Variants in TMOD2 observed in about 807,000 individuals in gnomAD.
TMOD2 encodes the protein tropomodulin 2.
A neutral mutation model predicts 39.9 loss-of-function variants in TMOD2; 22 were observed. The ratio of observed to expected loss-of-function variants is 0.55; its 90% CI spans 0.39 to 0.79. The LOEUF is 0.79. Among genes scored for constraint, TMOD2 ranks in the 30% least tolerant of loss-of-function variants. The probability of loss-of-function intolerance (pLI) is 0.00; values close to 1 mark genes in which losing one functional copy is unlikely to be tolerated. For synonymous variants in TMOD2, 123 were observed against 146.1 expected (o/e 0.84, Z 1.14); for missense variants, 386 against 413.3 (o/e 0.93, Z 0.57).
intron 7 of TMOD2, among the ~76,000 whole-genome samples, chr15:51,795,719 A>G (rs1452797653): frequency 3.4e-5 from 5 of 149,094 alleles, no homozygotes; most frequent in African/African-American, 7.4e-5. Flanking sequence ...CATAATTTCT[A>G]TCTTCATCTT....
intron 3 of TMOD2, 126 bp downstream of exon 3, chr15:51,768,544 G>A (rs1385355949): frequency 2.0e-6 from 2 of 991,206 alleles, no homozygotes; most frequent in Non-Finnish European, 2.9e-6. Context: ...CAAGGGAACT[G>A]TCCCAGACAT....
At chr15:51,752,865 C>T (rs2055716308) in intron 1 of TMOD2, 2 of 152,166 alleles carry the variant, frequency 1.3e-5, no homozygotes, top group African/African-American at 2.4e-5. Flanking sequence ...CAGTCTAACC[C>T]AATAAATACG....
chr15:51,796,008 A>C (rs941091214), intron 7 of TMOD2, among the ~76,000 whole-genome samples: 4 of 142,438 alleles, frequency 2.8e-5, no homozygotes, highest in Non-Finnish European at 4.5e-5. Flanking sequence ...TGTTTCTTCT[A>C]TGGCATATTG....
intron 1 of TMOD2, among the ~76,000 whole-genome samples, chr15:51,764,209 C>G (rs1157883046): frequency 2.0e-5 from 3 of 152,070 alleles, no homozygotes; most frequent in Non-Finnish European, 4.4e-5. Flanking sequence ...CCCAGCTACT[C>G]CAGAGGTTGA....
chr15:51,785,999 ATAGTC>A (rs2055967372), intron 7 of TMOD2, among the ~76,000 whole-genome samples: 1 of 152,186 alleles, frequency 6.6e-6, no homozygotes, highest in Admixed American at 6.5e-5. Flanking sequence ...TAGTCATAGT[ATAGTC>A]TATAAAAAAT....
chr15:51,773,886 A>G, intron 4 of TMOD2, 52 bp downstream of exon 4: 1 of 1,555,542 alleles, frequency 6.4e-7, no homozygotes, highest in Non-Finnish European at 8.6e-7. Context: ...ACCTCCGAGC[A>G]TGCACTGGCA....
intron 2 of TMOD2, 105 bp from the exon 3 acceptor site, chr15:51,768,157 A>C: frequency 7.5e-7 from 1 of 1,333,114 alleles, no homozygotes; most frequent in Non-Finnish European, 1.1e-6. Context: ...CTGCGTAGGT[A>C]TCCTTCCTGC....
chr15:51,791,359 CACAA>C (rs1447211557), intron 7 of TMOD2, among the ~76,000 whole-genome samples: 1 of 152,002 alleles, frequency 6.6e-6, no homozygotes, highest in East Asian at 1.9e-4. Flanking sequence ...AGAGAGAGTA[CACAA>C]ACAAATGAAA....
intron 1 of TMOD2, among the ~76,000 whole-genome samples, chr15:51,760,196 T>A (rs1344588092): frequency 6.6e-6 from 1 of 152,214 alleles, no homozygotes; most frequent in African/African-American, 2.4e-5. Flanking sequence ...TTAGCATAAA[T>A]CCAGTGGCTT....
intron 1 of TMOD2, among the ~76,000 whole-genome samples, chr15:51,757,931 G>A (rs1328986025): frequency 6.6e-6 from 1 of 152,156 alleles, no homozygotes; most frequent in Non-Finnish European, 1.5e-5. Flanking sequence ...TGAGTATAGT[G>A]GGACATACCT....
chr15:51,780,071 T>G (rs964443320), intron 5 of TMOD2, among the ~76,000 whole-genome samples: 6 of 152,216 alleles, frequency 3.9e-5, no homozygotes, highest in African/African-American at 1.4e-4. Flanking sequence ...GTGGACATTT[T>G]GTTTATCATG....
At chr15:51,764,758 T>C (rs574860573) in intron 1 of TMOD2, among the ~76,000 whole-genome samples, 1 of 152,272 alleles carries the variant, frequency 6.6e-6, no homozygotes, top group South Asian at 2.1e-4. Flanking sequence ...CTGTACCCCT[T>C]TGTGCTGTTC....
intron 5 of TMOD2, among the ~76,000 whole-genome samples, chr15:51,779,274 G>A (rs982002413): frequency 6.6e-6 from 1 of 152,166 alleles, no homozygotes; most frequent in Admixed American, 6.5e-5. Context: ...ACAATCTGGT[G>A]CATAACCTTC....
intron 5 of TMOD2, among the ~76,000 whole-genome samples, chr15:51,779,196 G>A (rs1210480522): frequency 1.3e-5 from 2 of 152,052 alleles, no homozygotes; most frequent in Non-Finnish European, 2.9e-5. Flanking sequence ...TTATGCATAT[G>A]GATAAAAAAT....
At position 51,766,428 on chromosome 15, in the gene TMOD2, G is replaced by T. The variant is rs373643929; in HGVS notation, c.-14G>T. 114 of 1,613,346 alleles carry T rather than the reference G, an allele frequency of 7.1e-5. No individual in the cohort carries two copies. In the African/African-American group the frequency reaches 1.4e-3, roughly 20 times the overall value. ...TAAATGTGCATGGCCCATGAGAAAG[G>T]CTTATAAGAAGCCATGGCACTCCCC... is the stretch of plus-strand genomic sequence containing the variant. On this transcript the variant is annotated 5_prime_UTR_variant, in exon 2 of 10. Transcript: ENST00000249700.
At chr15:51,780,199 A>C (rs2055919977) in intron 5 of TMOD2, among the ~76,000 whole-genome samples, 1 of 152,226 alleles carries the variant, frequency 6.6e-6, no homozygotes, top group African/African-American at 2.4e-5. Context: ...GGGTCATAGA[A>C]CATGCACATC....
chr15:51,789,140 G>A (rs1391097980), intron 7 of TMOD2, among the ~76,000 whole-genome samples: 1 of 152,232 alleles, frequency 6.6e-6, no homozygotes, highest in East Asian at 1.9e-4. Flanking sequence ...ACACACATAG[G>A]CTCAAAATAA....
intron 7 of TMOD2, among the ~76,000 whole-genome samples, chr15:51,795,428 CA>C (rs35847443): frequency 0.045 from 4,682 of 104,492 alleles, 176 homozygotes; most frequent in East Asian, 0.15. Flanking sequence ...GACTTTGTCT[CA>C]AAAAAAAAAA....
chr15:51,799,183 T>C (rs1470566066), intron 8 of TMOD2, among the ~76,000 whole-genome samples: 1 of 152,124 alleles, frequency 6.6e-6, no homozygotes, highest in Non-Finnish European at 1.5e-5. Context: ...CCAGACACTA[T>C]ATCTTGAAAA....
Sources: gnomAD v4.1 joint callset for allele counts (sites outside exome capture counted in the v4.1 genomes callset) on GRCh38, gnomAD v4.1.1 for gene constraint, MANE v1.5 for transcripts, NCBI Gene and HGNC (gene_info 2026-07-23, HGNC 2026-07-21) for gene names.